The following SLC35A5 variants were observed in gnomAD, a reference collection of about 807,000 sequenced individuals.
SLC35A5 encodes UDP-sugar transporter protein SLC35A5.
SLC35A5 carries 28 observed loss-of-function variants against 36.3 expected under a neutral mutation model. That is an observed-to-expected ratio of 0.77 (90% CI 0.57 to 1.06). The LOEUF (loss-of-function observed/expected upper bound fraction) is 1.06. SLC35A5 is among the 50% of genes least tolerant of loss of function. SLC35A5 has a pLI of 0.00. For synonymous variants in SLC35A5, 180 were observed against 173.7 expected, an observed-to-expected ratio of 1.04 and a Z score of -0.29; for missense variants, 521 against 499.3, an observed-to-expected ratio of 1.04 and a Z score of -0.41.
In SLC35A5 at chr3:112,570,664, T is replaced by G. The variant is rs1259156633; in HGVS notation, c.354T>G (p.Leu118=). ...TTGTCTTCTATGTCCTGTCCTATCT[T>G]CAACCAGTAAGTAAATATGAAAAAG... is the stretch of plus-strand genomic sequence containing the variant. ...NLIVFYVLSY[L]QPAMAVIFSN... is the part of the protein sequence containing the mutation. The change falls in exon 4 of 7, where the codon CTT becomes CTG. Residue 118 remains leucine, a synonymous_variant. Coordinates refer to ENST00000492406, the MANE Select transcript of SLC35A5 (RefSeq NM_017945.5). 1 of 1,569,852 alleles carries G rather than the reference T, an allele frequency of 6.4e-7. No homozygotes were observed. The highest frequency in any genetic ancestry group is 8.6e-7 in the Non-Finnish European group (1 of 1,161,804).
intron 1 of SLC35A5, among the ~76,000 whole-genome samples, chr3:112,562,783 G>GC (rs1933987834): frequency 6.6e-6 from 1 of 152,226 alleles, no homozygotes; most frequent in Non-Finnish European, 1.5e-5. Flanking sequence ...TAAAAGCGAG[G>GC]CCGGGCGCGG....
At chr3:112,570,818 C>T in intron 4 of SLC35A5, 148 bp downstream of exon 4, 1 of 760,420 alleles carries the variant, frequency 1.3e-6, no homozygotes, top group Non-Finnish European at 2.0e-6. Flanking sequence ...TTATCTGAGT[C>T]CTGAATTATC....
intron 5 of SLC35A5, among the ~76,000 whole-genome samples, chr3:112,576,415 G>GCGTCCAGCC (rs1197875085): frequency 5.1e-4 from 75 of 148,096 alleles, no homozygotes; most frequent in African/African-American, 1.9e-3. Flanking sequence ...GTGAGCCACC[G>GCGTCCAGCC]CGTCCAGCCC....
Position 112,563,538 on chromosome 3 carries a change from G to C in SLC35A5, c.130+5G>C. ...TGAAGTATTCTGCCAATGAAGGTAA[G>C]TTAAGACTTGGTATATGCATGGAGC... is the stretch of plus-strand genomic sequence containing the variant. On this transcript the variant is annotated splice_donor_5th_base_variant and intron_variant, in intron 2 of 6. Coordinates refer to ENST00000492406, the MANE Select transcript of SLC35A5 (RefSeq NM_017945.5). The C allele has an allele frequency of 1.3e-6, 2 of 1,595,592 alleles. No individual in the cohort carries two copies. The highest frequency in any genetic ancestry group is 2.2e-5 in the East Asian group (1 of 44,474).
At chr3:112,561,668 A>C, upstream of SLC35A5, 1 of 805,002 alleles carries the variant, frequency 1.2e-6, no homozygotes, top group Non-Finnish European at 1.9e-6. Context: ...ACGGGACGCG[A>C]CGCGACGGGA....
intron 2 of SLC35A5, 33 bp downstream of exon 2, chr3:112,563,566 T>G: frequency 6.5e-7 from 1 of 1,532,632 alleles, no homozygotes; most frequent in Non-Finnish European, 8.9e-7. Context: ...CATGGAGCAC[T>G]TCCATCTAAT....
rs528554067 is a variant in SLC35A5 at position 112,584,368 on chromosome 3, G to T, written c.*1632G>T. The T allele has an allele frequency of 8.1e-4, 123 of 152,224 alleles. 1 individual carries two copies. Among genetic ancestry groups the T allele is most frequent in the African/African-American group, 2.9e-3 (120 of 41,544 alleles). 9.4% of individuals were successfully genotyped at this position (152,224 alleles called of 1,614,324 possible). A position where few individuals can be genotyped will look rare whatever the true frequency, so the allele number is the denominator to read the frequency against. ...TTATTTTAAAGGTAAGGGAAATGAG[G>T]TACAGCAGGACCTTTCTAGGAAATG... On this transcript the variant is annotated 3_prime_UTR_variant, in exon 7 of 7. Transcript: ENST00000492406.
At chr3:112,561,909 T>A (rs1372050908), upstream of SLC35A5, 3 of 237,670 alleles carry the variant, frequency 1.3e-5, no homozygotes, top group African/African-American at 7.1e-5. Flanking sequence ...CGGCTTCCCT[T>A]CCTTCTCACT....
At chr3:112,562,360 G>A (rs971606862) in intron 1 of SLC35A5, 87 bp downstream of exon 1, 2 of 152,338 alleles carry the variant, frequency 1.3e-5, no homozygotes, top group Non-Finnish European at 2.9e-5. Flanking sequence ...TGTGTGACTA[G>A]AAGGGTAGTC....
chr3:112,580,645 A>G lies in SLC35A5; in HGVS notation c.528A>G (p.Ala176=). The change falls in exon 6 of 7, where the codon GCA becomes GCG. Residue 176 remains alanine, a synonymous_variant. Coordinates refer to ENST00000492406, the MANE Select transcript of SLC35A5 (RefSeq NM_017945.5). ...AGTKTLQHNL[A]GRGFHHDAFF... ...CTAAAACTTTACAGCACAACTTGGC[A>G]GGACGTGGATTTCATCACGATGCCT... The G allele has an allele frequency of 6.2e-7, 1 of 1,614,128 alleles. No individual in the cohort carries two copies. The highest frequency in any genetic ancestry group is 8.5e-7 in the Non-Finnish European group (1 of 1,179,974).
At chr3:112,582,298 GTCTTGTAT>G (rs1374533419) in intron 6 of SLC35A5, among the ~76,000 whole-genome samples, 1 of 152,108 alleles carries the variant, frequency 6.6e-6, no homozygotes, top group Non-Finnish European at 1.5e-5. Flanking sequence ...ATATCCAGAA[GTCTTGTAT>G]TCTTTTCCAA....
At chr3:112,576,246 G>A (rs1472976977) in intron 5 of SLC35A5, among the ~76,000 whole-genome samples, 1 of 151,958 alleles carries the variant, frequency 6.6e-6, no homozygotes, top group East Asian at 1.9e-4. Context: ...CCCTGCCTCA[G>A]CCTCCCCAGT....
intron 2 of SLC35A5, chr3:112,564,443 C>G (rs1008537612): frequency 2.6e-5 from 4 of 152,202 alleles, no homozygotes; most frequent in Non-Finnish European, 4.4e-5. Context: ...TATTGTTGCC[C>G]GCATGTCCCA....
intron 1 of SLC35A5, among the ~76,000 whole-genome samples, chr3:112,562,715 G>C (rs2638029): frequency 0.16 from 24,408 of 152,238 alleles, 4,613 homozygotes; most frequent in African/African-American, 0.45. Flanking sequence ...AGGGAAAAGA[G>C]GAGGAAAATA....
Position 112,580,984 on chromosome 3 carries a change from C to A in SLC35A5, c.867C>A (p.Asn289Lys). ...NGLTLGLQRS[N>K]RDQIKNCGFF... The stretch of plus-strand genomic sequence containing the variant: ...TGACTCTGGGCCTTCAGAGGAGTAA[C>A]CGTGATCAGATTAAGAACTGTGGAT... The change falls in exon 6 of 7, where the codon AAC becomes AAA. Residue 289 changes from asparagine (N) to lysine (K), a missense_variant. Asn to Lys is a moderately conservative substitution (Grantham distance 94, BLOSUM62 0). Transcript: ENST00000492406. 6.2e-7 allele frequency: 1 copy of A among 1,614,106 alleles called. No individual in the cohort carries two copies. Among genetic ancestry groups the A allele is most frequent in the Non-Finnish European group, 8.5e-7 (1 of 1,179,990 alleles).
upstream of SLC35A5, chr3:112,561,726 G>C: frequency 3.4e-6 from 2 of 584,374 alleles, no homozygotes; most frequent in Non-Finnish European, 5.8e-6. Flanking sequence ...GCGAAGACGG[G>C]GTGCGCGATC....
At chr3:112,577,605 A>G (rs1189819607) in intron 5 of SLC35A5, among the ~76,000 whole-genome samples, 1 of 152,212 alleles carries the variant, frequency 6.6e-6, no homozygotes, top group African/African-American at 2.4e-5. Context: ...GATAACCAAG[A>G]CCAGCACTTA....
intron 1 of SLC35A5, among the ~76,000 whole-genome samples, 161 bp downstream of exon 1, chr3:112,562,434 A>G (rs181059343): frequency 2.6e-5 from 4 of 152,132 alleles, no homozygotes; most frequent in African/African-American, 4.8e-5. Context: ...CGTGCGCCCA[A>G]TGGGGCTGTC....
chr3:112,561,675 G>A (rs1272397347), upstream of SLC35A5: 5 of 761,248 alleles, frequency 6.6e-6, no homozygotes, highest in East Asian at 5.9e-5. Context: ...GCGACGCGAC[G>A]GGACGGGCGG....
Sources: allele counts gnomAD v4.1 joint callset (sites outside exome capture counted in the v4.1 genomes callset), GRCh38; gene constraint gnomAD v4.1.1; transcripts MANE v1.5; gene names NCBI Gene and HGNC (gene_info 2026-07-23, HGNC 2026-07-21).